MAP1B: variants seen among roughly 807,000 people sequenced by gnomAD.
The protein encoded by MAP1B is microtubule-associated protein 1B.
Under a neutral mutation model 176.1 loss-of-function variants are expected in MAP1B, and 12 were observed. The observed-to-expected ratio is 0.07, with a 90% confidence interval of 0.04 to 0.11. The LOEUF is 0.11. Ranked by LOEUF, MAP1B falls within the 10% of genes least tolerant of loss-of-function variation. The probability of loss-of-function intolerance (pLI) is 1.00; values close to 1 mark genes in which losing one functional copy is unlikely to be tolerated. For missense variants in MAP1B, 2,523 were observed against 2,990.5 expected, an observed-to-expected ratio of 0.84 and a Z score of 3.65; for synonymous variants, 1,044 against 1,135.0, an observed-to-expected ratio of 0.92 and a Z score of 1.61.
rs147270088 is a variant in MAP1B, at chr5:72,120,857, G to A, written c.286+5058G>A. Among the ~76,000 whole-genome samples the A allele has an allele frequency of 3.3e-4, 51 of 152,254 alleles. No homozygotes were observed. In the East Asian group the frequency reaches 6.9e-3, roughly 21 times the overall value. On this transcript the variant is annotated intron_variant, in intron 2 of 6. Coordinates refer to ENST00000296755, the MANE Select transcript of MAP1B (RefSeq NM_005909.5). ...GAGTATCTATTTGACTTGTATATTT[G>A]GTGATTGTTATTATCCGTGGGAAAT...
chr5:72,205,047 G>T, intron 6 of MAP1B, 37 bp from the exon 7 acceptor site: 1 of 1,571,026 alleles, frequency 6.4e-7, no homozygotes, highest in Non-Finnish European at 8.6e-7. Flanking sequence ...TTCTGTTTCT[G>T]CCCTTAAATA....
chr5:72,117,281 C>T (rs892543491), intron 2 of MAP1B, among the ~76,000 whole-genome samples: 2 of 152,116 alleles, frequency 1.3e-5, no homozygotes, highest in African/African-American at 2.4e-5. Flanking sequence ...TCTTTTAAAA[C>T]CATCTCACAA....
At chr5:72,193,769 T>C in intron 4 of MAP1B, 97 bp from the exon 5 acceptor site, 1 of 1,338,122 alleles carries the variant, frequency 7.5e-7, no homozygotes. Flanking sequence ...ATGTGCATCC[T>C]GTGATCCTGT....
chr5:72,193,294 A>T (rs1346087844), intron 4 of MAP1B: 1 of 429,196 alleles, frequency 2.3e-6, no homozygotes, highest in Non-Finnish European at 4.6e-6. Flanking sequence ...AAAGGAGGCC[A>T]CAACAAGTGC....
intron 1 of MAP1B, among the ~76,000 whole-genome samples, 179 bp downstream of exon 1, chr5:72,107,894 T>C (rs982541131): frequency 1.3e-5 from 2 of 152,212 alleles, no homozygotes; most frequent in African/African-American, 4.8e-5. Context: ...AATTATTAGA[T>C]ATGAGACCCA....
chr5:72,187,400 A>C (rs1009222663), intron 4 of MAP1B, among the ~76,000 whole-genome samples: 30 of 152,346 alleles, frequency 2.0e-4, no homozygotes, highest in African/African-American at 7.2e-4. Flanking sequence ...AATGAGATCA[A>C]AGATTTTGAT....
chr5:72,168,476 A>T (rs758340696), intron 2 of MAP1B, among the ~76,000 whole-genome samples: 1 of 152,246 alleles, frequency 6.6e-6, no homozygotes, highest in Non-Finnish European at 1.5e-5. Context: ...GGATCATTGC[A>T]TATATTCCAA....
chr5:72,182,592 C>T (rs981185602), intron 2 of MAP1B, among the ~76,000 whole-genome samples: 1 of 152,212 alleles, frequency 6.6e-6, no homozygotes, highest in Non-Finnish European at 1.5e-5. Flanking sequence ...AGTGGGCTTG[C>T]TGGGTCATAC....
In MAP1B at chr5:72,195,443, C is replaced by A. The variant is rs1747134714; in HGVS notation, c.2088C>A (p.Pro696=). ...KEIKKEEKKE[P]KKEVKKETPP... is the part of the protein sequence containing the mutation. ...TCAAGAAAGAAGAGAAAAAAGAACC[C>A]AAGAAAGAGGTTAAGAAAGAAACAC... is the stretch of plus-strand genomic sequence containing the variant. Residue 696 remains proline (P), a synonymous_variant, in exon 5 of 7, where the codon CCC becomes CCA. Transcript: ENST00000296755. 6.4e-7 allele frequency: 1 copy of A among 1,573,264 alleles called. No homozygotes were observed. Among genetic ancestry groups the A allele is most frequent in the Non-Finnish European group, 8.6e-7 (1 of 1,163,106 alleles).
chr5:72,195,437 A>G lies in MAP1B; in HGVS notation c.2082A>G (p.Lys694=). 1 of 1,569,342 alleles carries G rather than the reference A, an allele frequency of 6.4e-7. No individual in the cohort carries two copies. The highest frequency in any genetic ancestry group is 2.3e-5 in the East Asian group (1 of 42,774). ...AAGAGATCAAGAAAGAAGAGAAAAAAGAACCCAAGAAAGAGGTTAAGAAAG... is the reference window on the plus strand; with the variant it reads ...AAGAGATCAAGAAAGAAGAGAAAAAGGAACCCAAGAAAGAGGTTAAGAAAG... ...VKKEIKKEEK[K]EPKKEVKKET... Residue 694 remains lysine, a synonymous_variant, in exon 5 of 7, where the codon AAA becomes AAG. Coordinates refer to ENST00000296755, the MANE Select transcript of MAP1B (RefSeq NM_005909.5).
intron 2 of MAP1B, among the ~76,000 whole-genome samples, chr5:72,121,881 G>T (rs1745536035): frequency 6.6e-6 from 1 of 152,172 alleles, no homozygotes; most frequent in Admixed American, 6.5e-5. Flanking sequence ...ATATGTTCTA[G>T]CGGCATTCAA....
Position 72,186,665 on chromosome 5 carries a change from G to A in MAP1B, c.421G>A (p.Gly141Arg). 2 of 1,614,186 alleles carry A rather than the reference G, an allele frequency of 1.2e-6. No homozygotes were observed. Among genetic ancestry groups the A allele is most frequent in the Non-Finnish European group, 1.7e-6 (2 of 1,180,048 alleles). The change falls in exon 4 of 7, where the codon GGG (glycine) becomes AGG (arginine). Residue 141 changes from glycine to arginine, a missense_variant. This residue lies in a region of MAP1B where 307 missense variants were observed against 438.4 expected (regional missense o/e 0.70). Coordinates refer to ENST00000296755, the MANE Select transcript of MAP1B (RefSeq NM_005909.5). This position sits in a 1 kb window ranked among gnomAD's most constrained non-coding sequence, Gnocchi z 4.3. ...AARHKLLVLT[G>R]QCFENTGELI... The stretch of plus-strand genomic sequence containing the variant: ...CCGACACAAGCTGCTCGTGCTGACC[G>A]GGCAGTGCTTTGAAAATACCGGAGA...
rs774101263 is a variant in MAP1B at position 72,196,644 on chromosome 5, G to A, written c.3289G>A (p.Glu1097Lys). ...GACTTTACCTGGAGGCTCAGAGAGCGAGGCCACCGCTTCTGATGAGGAGAA... is the reference window on the plus strand; with the variant it reads ...GACTTTACCTGGAGGCTCAGAGAGCAAGGCCACCGCTTCTGATGAGGAGAA... ...DETLPGGSES[E>K]ATASDEENRE... The change falls in exon 5 of 7, where the codon GAG becomes AAG. Residue 1097 changes from glutamate to lysine, a missense_variant. This residue lies in a region of MAP1B where 1,925 missense variants were observed against 2,126.0 expected (regional missense o/e 0.91). Coordinates refer to ENST00000296755, the MANE Select transcript of MAP1B (RefSeq NM_005909.5). This position sits in a 1 kb window ranked among gnomAD's most constrained non-coding sequence, Gnocchi z 5.3. 6 of 1,613,942 alleles carry A rather than the reference G, an allele frequency of 3.7e-6. No homozygotes were observed. In the African/African-American group the frequency reaches 5.3e-5, roughly 14 times the overall value.
At chr5:72,166,477 G>A (rs1007347050) in intron 2 of MAP1B, among the ~76,000 whole-genome samples, 3 of 152,140 alleles carry the variant, frequency 2.0e-5, no homozygotes, top group Non-Finnish European at 2.9e-5. Context: ...TCACTGAACT[G>A]TGGCCCACTG....
chr5:72,120,570 G>A (rs750882590), intron 2 of MAP1B, among the ~76,000 whole-genome samples: 2 of 151,722 alleles, frequency 1.3e-5, no homozygotes, highest in African/African-American at 2.4e-5. Context: ...GACTACAGGC[G>A]CCCACCACCA....
intron 4 of MAP1B, chr5:72,193,346 T>TTA (rs1443282619): frequency 6.4e-6 from 2 of 313,262 alleles, no homozygotes; most frequent in African/African-American, 2.2e-5. Context: ...TCAGGCCTTT[T>TTA]TTTTTTTTTT....
rs747010277 is a variant in MAP1B at position 72,115,675 on chromosome 5, A to G, written c.185-23A>G. On this transcript the variant is annotated intron_variant, in intron 1 of 6. Transcript: ENST00000296755. ...GAAATGACTAACTGGAAGTCTCTCA[A>G]CTGTCTTTCTTTCCCTCCCTAGGAA... The G allele has an allele frequency of 6.0e-6, 8 of 1,340,460 alleles. No homozygotes were observed. In the Admixed American group the frequency reaches 1.3e-4, roughly 22 times the overall value. The allele number at this position is 1,340,460 out of a possible 1,614,324, so 83.0% of individuals were successfully genotyped here. A position where few individuals can be genotyped will look rare whatever the true frequency, so the allele number is the denominator to read the frequency against.
Position 72,195,790 on chromosome 5 carries a change from C to T in MAP1B, c.2435C>T (p.Ala812Val). ...ACCACAGCAGCTGTCATGGCGGCAG[C>T]TGGAATAGCAGCCATTGGCCCTGCC... is the stretch of plus-strand genomic sequence containing the variant. Reference protein sequence around the residue: ...GATTAAVMAAAGIAAIGPAKE... With the variant: ...GATTAAVMAAVGIAAIGPAKE... Residue 812 changes from alanine (A) to valine (V), a missense_variant, in exon 5 of 7, where the codon GCT becomes GTT. Ala to Val is a moderately conservative substitution (Grantham distance 64). Transcript: ENST00000296755. 1 of 1,614,172 alleles carries T rather than the reference C, an allele frequency of 6.2e-7. No homozygotes were observed. The highest frequency in any genetic ancestry group is 8.5e-7 in the Non-Finnish European group (1 of 1,179,996).
rs1207835109 is a variant in MAP1B at position 72,107,512 on chromosome 5, G to A, written c.-20G>A. The A allele has an allele frequency of 6.5e-7, 1 of 1,541,868 alleles. No individual in the cohort carries two copies. Among genetic ancestry groups the A allele is most frequent in the Non-Finnish European group, 8.7e-7 (1 of 1,146,716 alleles). On this transcript the variant is annotated 5_prime_UTR_variant, in exon 1 of 7. Coordinates refer to ENST00000296755, the MANE Select transcript of MAP1B (RefSeq NM_005909.5). ...AGCGGCCGGAGCGAGACACTTCGCCGAGGCACAGCAGCCGGCAGGATGGCG... is the reference window on the plus strand; with the variant it reads ...AGCGGCCGGAGCGAGACACTTCGCCAAGGCACAGCAGCCGGCAGGATGGCG...
Sources: gnomAD v4.1 joint callset for allele counts (sites outside exome capture counted in the v4.1 genomes callset) on GRCh38, gnomAD v4.1.1 for gene constraint, gnomAD v4.1.1 regional missense constraint, Gnocchi (gnomAD v3.1) non-coding constraint, MANE v1.5 for transcripts, NCBI Gene and HGNC (gene_info 2026-07-23, HGNC 2026-07-21) for gene names.